The following CBFB variants were observed in gnomAD, a reference collection of about 807,000 sequenced individuals.
CBFB encodes core-binding factor subunit beta.
In CBFB, 9 loss-of-function variants were observed where a neutral mutation model predicts 30.4. That is an observed-to-expected ratio of 0.30 (90% CI 0.18 to 0.52). CBFB has a LOEUF of 0.52. Among genes scored for constraint, CBFB ranks in the 20% least tolerant of loss-of-function variants. The pLI, the probability that CBFB is intolerant of heterozygous loss-of-function variation, is 0.97. For missense variants in CBFB, 170 were observed against 244.0 expected, an observed-to-expected ratio of 0.70 and a Z score of 2.02; for synonymous variants, 94 against 84.0, an observed-to-expected ratio of 1.12 and a Z score of -0.65.
intron 3 of CBFB, among the ~76,000 whole-genome samples, chr16:67,048,422 T>C (rs1966669207): frequency 6.6e-6 from 1 of 152,220 alleles, no homozygotes; most frequent in Admixed American, 6.5e-5. Flanking sequence ...TCCTGACACA[T>C]ATTCTCAGTG....
At chr16:67,034,908 C>T (rs1054630636) in intron 2 of CBFB, among the ~76,000 whole-genome samples, 1 of 152,112 alleles carries the variant, frequency 6.6e-6, no homozygotes, top group Non-Finnish European at 1.5e-5. Context: ...ACTTTCATAG[C>T]ATTTACTTGG....
intron 4 of CBFB, among the ~76,000 whole-genome samples, chr16:67,071,529 G>A (rs1219467004): frequency 6.6e-6 from 1 of 152,178 alleles, no homozygotes; most frequent in Admixed American, 6.5e-5. Flanking sequence ...ATCTGGGATT[G>A]CTAGTCTCCA....
intron 5 of CBFB, among the ~76,000 whole-genome samples, chr16:67,089,369 G>T (rs1961819822): frequency 6.6e-6 from 1 of 152,064 alleles, no homozygotes; most frequent in African/African-American, 2.4e-5. Context: ...CTATGGGGGA[G>T]AACCAGGTAC....
At chr16:67,051,486 A>G (rs1427572044) in intron 3 of CBFB, among the ~76,000 whole-genome samples, 1 of 152,046 alleles carries the variant, frequency 6.6e-6, no homozygotes, top group Admixed American at 6.6e-5. Flanking sequence ...CTATATATAT[A>G]TATGTACACA....
At chr16:67,037,666 A>AT (rs35804914) in intron 3 of CBFB, among the ~76,000 whole-genome samples, 9,524 of 129,272 alleles carry the variant, frequency 0.074, 595 homozygotes, top group East Asian at 0.31. Flanking sequence ...GATTTTGGTA[A>AT]TTTTTTTTTT....
At chr16:67,060,930 T>G (rs1326867967) in intron 3 of CBFB, among the ~76,000 whole-genome samples, 1 of 152,178 alleles carries the variant, frequency 6.6e-6, no homozygotes, top group Non-Finnish European at 1.5e-5. Flanking sequence ...CAAGGTTCAT[T>G]CTGTGTTGTT....
chr16:67,092,656 G>A (rs1961920662), intron 5 of CBFB, among the ~76,000 whole-genome samples: 1 of 145,568 alleles, frequency 6.9e-6, no homozygotes, highest in Non-Finnish European at 1.5e-5. Context: ...TTTAGAGACA[G>A]GGTGTCATTC....
In CBFB at chr16:67,100,741, C is replaced by G. The variant is rs963945529; in HGVS notation, c.*1963C>G. 4.6e-5 allele frequency: 10 copies of G among 217,912 alleles called. No homozygotes were observed. The highest frequency in any genetic ancestry group is 9.2e-5 in the Non-Finnish European group (10 of 108,258). 13.5% of individuals were successfully genotyped at this position (217,912 alleles called of 1,614,324 possible). A position where few individuals can be genotyped will look rare whatever the true frequency, so the allele number is the denominator to read the frequency against. ...CAAATGCTCTTAAATGTTCCTGTTA[C>G]CATCCTAATGTAAATACTGGATTTT... On this transcript the variant is annotated 3_prime_UTR_variant, in exon 6 of 6. Transcript: ENST00000412916.
At chr16:67,075,194 A>C (rs1172887092) in intron 4 of CBFB, among the ~76,000 whole-genome samples, 1 of 17,888 alleles carries the variant, frequency 5.6e-5, no homozygotes, top group African/African-American at 1.4e-4. Flanking sequence ...TATCTCAAAA[A>C]AAATGTGTGT....
intron 2 of CBFB, among the ~76,000 whole-genome samples, chr16:67,036,043 C>T (rs1159222016): frequency 6.6e-6 from 1 of 151,728 alleles, no homozygotes; most frequent in Admixed American, 6.6e-5. Context: ...GTAGTCAGAC[C>T]AAGTTCTCCT....
rs1198635796 is a variant in CBFB, at chr16:67,099,113, CAA to C, written c.*336_*337del. 5 of 275,280 alleles carry C rather than the reference CAA, an allele frequency of 1.8e-5. No individual in the cohort carries two copies. Among genetic ancestry groups the C allele is most frequent in the Non-Finnish European group, 3.4e-5 (5 of 147,232 alleles). 17.1% of individuals were successfully genotyped at this position (275,280 alleles called of 1,614,324 possible). On this transcript the variant is annotated 3_prime_UTR_variant, in exon 6 of 6. Transcript: ENST00000412916. Reference sequence around the variant, plus strand: ...TTTAAAAGTTCATGTCATTTAAAAACAAGTCAAGAAATTAAAATTGTATCAGA... The same window carrying C: ...TTTAAAAGTTCATGTCATTTAAAAACGTCAAGAAATTAAAATTGTATCAGA...
rs548448268 is a variant in CBFB, at chr16:67,093,382, T to G, written c.496-5328T>G. 67 of 148,614 alleles carry G rather than the reference T, an allele frequency of 4.5e-4. 1 individual carries two copies. In the East Asian group the frequency reaches 0.01, roughly 23 times the overall value. The allele number at this position is 148,614 out of a possible 1,614,324, so 9.2% of individuals were successfully genotyped here. ...GTTTTCAGCAGGTTTTTTTTTTTTT[T>G]TTTTTTTTTTTTGAGCTCTCAATAT... is the stretch of plus-strand genomic sequence containing the variant. On this transcript the variant is annotated intron_variant, in intron 5 of 5. Transcript: ENST00000412916.
intron 2 of CBFB, 198 bp downstream of exon 2, chr16:67,030,011 C>T (rs1270664617): frequency 2.2e-5 from 10 of 462,568 alleles, no homozygotes; most frequent in South Asian, 3.6e-5. Flanking sequence ...TCCTGGGGCT[C>T]GCCGCGGTGG....
At chr16:67,042,732 TTTTA>T (rs933452040) in intron 3 of CBFB, among the ~76,000 whole-genome samples, 1 of 152,112 alleles carries the variant, frequency 6.6e-6, no homozygotes, top group Non-Finnish European at 1.5e-5. Flanking sequence ...CCACCATGCC[TTTTA>T]TTTATTTATT....
intron 3 of CBFB, among the ~76,000 whole-genome samples, chr16:67,040,639 C>G (rs1966513703): frequency 6.6e-6 from 1 of 152,096 alleles, no homozygotes; most frequent in South Asian, 2.1e-4. Context: ...TGAGCATTGT[C>G]CTAGGTATTT....
At chr16:67,096,801 C>A (rs1427659951) in intron 5 of CBFB, among the ~76,000 whole-genome samples, 5 of 151,588 alleles carry the variant, frequency 3.3e-5, no homozygotes, top group Non-Finnish European at 7.4e-5. Flanking sequence ...AAAGAAACCC[C>A]ATCTCTACTA....
At chr16:67,084,254 T>TTAC (rs1400164255) in intron 5 of CBFB, among the ~76,000 whole-genome samples, 1 of 151,648 alleles carries the variant, frequency 6.6e-6, no homozygotes, top group African/African-American at 2.4e-5. Flanking sequence ...TTGTCAAATG[T>TTAC]TACTGTATAT....
chr16:67,029,621 A>T lies in CBFB; in HGVS notation c.79-106A>T, dbSNP rs1037747560. 4.1e-5 allele frequency: 54 copies of T among 1,318,072 alleles called. No individual in the cohort carries two copies. In the African/African-American group the frequency reaches 6.8e-4, roughly 17 times the overall value. The allele number at this position is 1,318,072 out of a possible 1,614,324, so 81.6% of individuals were successfully genotyped here. ...GAGGGGCAATCTCGCCGGGGCGGCC[A>T]TCGCCCGCAGCCTCTGCTTGCCCTT... On this transcript the variant is annotated intron_variant, in intron 1 of 5. Transcript: ENST00000412916.
At position 67,063,215 on chromosome 16, in the gene CBFB, C is replaced by T. The variant is rs562119351; in HGVS notation, c.283-3467C>T. On this transcript the variant is annotated intron_variant, in intron 3 of 5. Coordinates refer to ENST00000412916, the MANE Select transcript of CBFB (RefSeq NM_022845.3). The stretch of plus-strand genomic sequence containing the variant: ...TGCACAGTGTGGAAGGGAATGAGCA[C>T]TTATCAGAACAGAAGGAAATGTGTG... Among the ~76,000 whole-genome samples the T allele has an allele frequency of 5.9e-5, 9 of 152,226 alleles. No individual in the cohort carries two copies. The South Asian group carries it at 1.2e-3, about 21-fold the overall frequency.
Sources: allele counts gnomAD v4.1 joint callset (sites outside exome capture counted in the v4.1 genomes callset), GRCh38; gene constraint gnomAD v4.1.1; transcripts MANE v1.5; gene names NCBI Gene and HGNC (gene_info 2026-07-23, HGNC 2026-07-21).